Variants in ATRNL1 observed in about 807,000 individuals in gnomAD.
The protein encoded by ATRNL1 is attractin like 1, also known as attractin-like protein 1.
A neutral mutation model predicts 182.7 loss-of-function variants in ATRNL1; 95 were observed. That is an observed-to-expected ratio of 0.52 (90% CI 0.44 to 0.62). The LOEUF is 0.62. ATRNL1 is among the 20% of genes least tolerant of loss of function. The pLI is 0.00. For missense variants in ATRNL1, 1,471 were observed against 1,679.5 expected (o/e 0.88, Z 2.17); for synonymous variants, 576 against 568.3 (o/e 1.01, Z -0.19).
chr10:115,366,194 A>G (rs370781716), intron 19 of ATRNL1, among the ~76,000 whole-genome samples: 32 of 152,198 alleles, frequency 2.1e-4, no homozygotes, highest in Middle Eastern at 3.4e-3. Context: ...TTATGAATCT[A>G]GGTGCTCCTG....
At chr10:115,416,068 T>G (rs1268366386) in intron 20 of ATRNL1, among the ~76,000 whole-genome samples, 1 of 152,056 alleles carries the variant, frequency 6.6e-6, no homozygotes, top group Admixed American at 6.6e-5. Flanking sequence ...GATCAACTTT[T>G]CTAGCTCCTA....
At chr10:115,720,271 C>G (rs1477191919) in intron 26 of ATRNL1, among the ~76,000 whole-genome samples, 2 of 152,104 alleles carry the variant, frequency 1.3e-5, no homozygotes, top group Non-Finnish European at 2.9e-5. Flanking sequence ...AGAATCGCCC[C>G]TGTAAGAAGT....
intron 26 of ATRNL1, among the ~76,000 whole-genome samples, chr10:115,672,197 C>A (rs1593044447): frequency 6.6e-6 from 1 of 152,066 alleles, no homozygotes; most frequent in East Asian, 1.9e-4. Context: ...TATGATCTAA[C>A]CCTAACAGTA....
intron 8 of ATRNL1, among the ~76,000 whole-genome samples, chr10:115,193,101 T>C (rs1313329259): frequency 6.6e-6 from 1 of 152,072 alleles, no homozygotes; most frequent in Non-Finnish European, 1.5e-5. Context: ...CTTCCAGTAC[T>C]GCCTTGAATA....
intron 26 of ATRNL1, among the ~76,000 whole-genome samples, chr10:115,579,538 C>T (rs1361972678): frequency 6.6e-6 from 1 of 151,816 alleles, no homozygotes; most frequent in African/African-American, 2.4e-5. Flanking sequence ...AGCTTAGCTT[C>T]CCTGCTTTCT....
intron 23 of ATRNL1, 150 bp from the exon 24 acceptor site, chr10:115,469,022 A>ATGGCAAACTTATTT (rs1848186684): frequency 3.1e-6 from 1 of 324,794 alleles, no homozygotes. Flanking sequence ...CATTATATTT[A>ATGGCAAACTTATTT]TGGCAAACTT....
chr10:115,312,319 G>A (rs1854075014), intron 17 of ATRNL1, among the ~76,000 whole-genome samples: 1 of 152,144 alleles, frequency 6.6e-6, no homozygotes, highest in Middle Eastern at 3.4e-3. Context: ...AAAATCCTTA[G>A]CATTTGCTTG....
intron 28 of ATRNL1, among the ~76,000 whole-genome samples, chr10:115,925,694 C>A (rs1356797860): frequency 6.6e-6 from 1 of 152,102 alleles, no homozygotes; most frequent in African/African-American, 2.4e-5. Flanking sequence ...GTAGAGGGAA[C>A]AATTCAACAA....
At chr10:115,777,002 G>A (rs1222136085) in intron 27 of ATRNL1, among the ~76,000 whole-genome samples, 8 of 152,054 alleles carry the variant, frequency 5.3e-5, no homozygotes, top group African/African-American at 1.9e-4. Flanking sequence ...CATACTGAAG[G>A]TTTTAAGGAT....
intron 21 of ATRNL1, among the ~76,000 whole-genome samples, chr10:115,443,451 A>G (rs1554966108): frequency 6.6e-6 from 1 of 150,538 alleles, no homozygotes; most frequent in Non-Finnish European, 1.5e-5. Context: ...AGTTGAATCC[A>G]TTTATTTTTG....
intron 24 of ATRNL1, among the ~76,000 whole-genome samples, chr10:115,494,455 CA>C (rs1554977568): frequency 1.3e-5 from 2 of 152,160 alleles, no homozygotes; most frequent in East Asian, 3.9e-4. Context: ...TTTGCCCATT[CA>C]GCATGACGTT....
chr10:115,326,778 T>A (rs1477522488), intron 18 of ATRNL1, among the ~76,000 whole-genome samples: 1 of 152,036 alleles, frequency 6.6e-6, no homozygotes, highest in Admixed American at 6.6e-5. Flanking sequence ...GAAATAACGC[T>A]GCACATCTAC....
intron 20 of ATRNL1, among the ~76,000 whole-genome samples, chr10:115,416,266 G>C (rs1275629698): frequency 1.3e-5 from 2 of 151,954 alleles, no homozygotes; most frequent in Non-Finnish European, 1.5e-5. Flanking sequence ...TGTTTTTATA[G>C]AAAGTATTTA....
intron 24 of ATRNL1, among the ~76,000 whole-genome samples, chr10:115,489,304 T>C (rs890443736): frequency 2.6e-5 from 4 of 152,206 alleles, no homozygotes; most frequent in Non-Finnish European, 4.4e-5. Context: ...CTCCTTGATC[T>C]GTCTAATATT....
intron 27 of ATRNL1, among the ~76,000 whole-genome samples, chr10:115,827,701 A>G (rs1555092395): frequency 6.6e-6 from 1 of 152,218 alleles, no homozygotes. Flanking sequence ...CTGCCTTGTC[A>G]ACAGATTGGC....
chr10:115,160,853 G>A (rs1033162031), intron 6 of ATRNL1, among the ~76,000 whole-genome samples: 30 of 151,862 alleles, frequency 2.0e-4, no homozygotes, highest in African/African-American at 7.0e-4. Flanking sequence ...CAGGGGTAGT[G>A]TTCATATTAT....
chr10:115,829,091 C>G (rs1254199193), intron 27 of ATRNL1, among the ~76,000 whole-genome samples: 1 of 151,724 alleles, frequency 6.6e-6, no homozygotes, highest in African/African-American at 2.4e-5. Flanking sequence ...ATAAATATCA[C>G]ATGAAGACCA....
At chr10:115,179,150 G>A (rs1373268495) in intron 8 of ATRNL1, among the ~76,000 whole-genome samples, 1 of 152,054 alleles carries the variant, frequency 6.6e-6, no homozygotes, top group African/African-American at 2.4e-5. Flanking sequence ...TGTACTATAC[G>A]TAATTATTAT....
intron 21 of ATRNL1, among the ~76,000 whole-genome samples, chr10:115,440,516 T>C (rs1390877947): frequency 2.0e-5 from 3 of 151,946 alleles, no homozygotes; most frequent in African/African-American, 7.2e-5. Context: ...GCCATAATTA[T>C]TCAAACTCAT....
Sources: allele counts gnomAD v4.1 joint callset (sites outside exome capture counted in the v4.1 genomes callset), GRCh38; gene constraint gnomAD v4.1.1; transcripts MANE v1.5; gene names NCBI Gene and HGNC (gene_info 2026-07-23, HGNC 2026-07-21).